Variants in DLGAP2 observed in about 807,000 individuals in gnomAD.
DLGAP2 encodes disks large-associated protein 2.
A neutral mutation model predicts 100.3 loss-of-function variants in DLGAP2; 26 were observed. The observed-to-expected ratio is 0.26, with a 90% CI of 0.19 to 0.36. DLGAP2 has a LOEUF of 0.36. DLGAP2 is among the 10% of genes least tolerant of loss of function. The pLI, the probability that DLGAP2 is intolerant of heterozygous loss-of-function variation, is 1.00. For missense variants in DLGAP2, 1,858 were observed against 1,453.2 expected, an observed-to-expected ratio of 1.28 and a Z score of -4.53; for synonymous variants, 886 against 630.1, an observed-to-expected ratio of 1.41 and a Z score of -6.08.
intron 1 of DLGAP2, among the ~76,000 whole-genome samples, chr8:741,770 G>A (rs984553399): frequency 2.0e-5 from 3 of 152,186 alleles, no homozygotes; most frequent in South Asian, 4.1e-4. Context: ...CCTACTTCCC[G>A]TCAGAGGTGG....
intron 4 of DLGAP2, among the ~76,000 whole-genome samples, chr8:1,532,142 A>G (rs551116910): frequency 6.6e-6 from 1 of 152,288 alleles, no homozygotes; most frequent in African/African-American, 2.4e-5. Flanking sequence ...ATGACTTTGA[A>G]TAGAGTGGGA....
chr8:854,629 G>T (rs180826786), intron 1 of DLGAP2, among the ~76,000 whole-genome samples: 1 of 152,154 alleles, frequency 6.6e-6, no homozygotes, highest in Non-Finnish European at 1.5e-5. Context: ...ATGCATGTAC[G>T]TGTCTTTTTG....
At chr8:839,457 C>T (rs1325439157) in intron 1 of DLGAP2, among the ~76,000 whole-genome samples, 2 of 152,158 alleles carry the variant, frequency 1.3e-5, no homozygotes, top group African/African-American at 2.4e-5. Flanking sequence ...TTATGCTGAG[C>T]GAAATAAGCC....
chr8:1,382,013 C>T (rs991689786), intron 3 of DLGAP2, among the ~76,000 whole-genome samples: 1 of 151,976 alleles, frequency 6.6e-6, no homozygotes, highest in East Asian at 1.9e-4. Flanking sequence ...ACACAGTTGA[C>T]CCTCATAAAA....
chr8:985,721 A>C (rs1763545289), intron 2 of DLGAP2, among the ~76,000 whole-genome samples: 1 of 152,188 alleles, frequency 6.6e-6, no homozygotes, highest in East Asian at 1.9e-4. Flanking sequence ...AAATATTGAG[A>C]ATTTGTCATG....
At chr8:950,614 TTC>T (rs1799454131) in intron 2 of DLGAP2, among the ~76,000 whole-genome samples, 2 of 149,276 alleles carry the variant, frequency 1.3e-5, no homozygotes, top group Non-Finnish European at 3.0e-5. Context: ...ATTTCTTTTT[TTC>T]TTTTTCTTTT....
chr8:1,076,006 A>G (rs567022918), intron 2 of DLGAP2, among the ~76,000 whole-genome samples: 1 of 152,326 alleles, frequency 6.6e-6, no homozygotes, highest in African/African-American at 2.4e-5. Context: ...AGAGAGAGCA[A>G]TTGGAAGATG....
chr8:1,571,459 G>C (rs1802676025), intron 6 of DLGAP2, among the ~76,000 whole-genome samples: 1 of 140,122 alleles, frequency 7.1e-6, no homozygotes, highest in Non-Finnish European at 1.6e-5. Flanking sequence ...GAGGAGAGAG[G>C]GGTGAACTGT....
intron 2 of DLGAP2, among the ~76,000 whole-genome samples, chr8:1,194,681 C>G (rs565639069): frequency 6.6e-6 from 1 of 152,216 alleles, no homozygotes; most frequent in Non-Finnish European, 1.5e-5. Flanking sequence ...CACCTGACCA[C>G]AGGGTCGTCC....
intron 3 of DLGAP2, among the ~76,000 whole-genome samples, chr8:1,272,479 A>G (rs1320022487): frequency 1.3e-5 from 2 of 151,900 alleles, no homozygotes; most frequent in Non-Finnish European, 2.9e-5. Context: ...GAAAACATAT[A>G]TATTACACAT....
At chr8:1,057,446 A>C (rs936265513) in intron 2 of DLGAP2, among the ~76,000 whole-genome samples, 2 of 152,222 alleles carry the variant, frequency 1.3e-5, no homozygotes, top group African/African-American at 2.4e-5. Flanking sequence ...TATGCACACA[A>C]GGGCTAAGTC....
rs114436432 is a variant in DLGAP2, at chr8:1,079,210, T to C, written c.73+171244T>C. ...TCTACATATGTTCCTTGGTGAGGTG[T>C]CTCTTCAGATCTTTGTGTATTTTTT... On this transcript the variant is annotated intron_variant, in intron 2 of 14. Coordinates refer to ENST00000637795, the MANE Select transcript of DLGAP2 (RefSeq NM_001346810.2). 6.5e-3 allele frequency among the ~76,000 whole-genome samples: 992 copies of C among 152,322 alleles called. 14 individuals carry two copies. The highest frequency in any genetic ancestry group is 0.021 in the African/African-American group (893 of 41,570).
chr8:1,684,252 G>T (rs1799054666), intron 12 of DLGAP2, among the ~76,000 whole-genome samples: 1 of 151,826 alleles, frequency 6.6e-6, no homozygotes, highest in South Asian at 2.1e-4. Context: ...TTCTTAAATT[G>T]CCCAGATACC....
At chr8:1,374,889 C>T (rs1175235067) in intron 3 of DLGAP2, among the ~76,000 whole-genome samples, 3 of 152,158 alleles carry the variant, frequency 2.0e-5, no homozygotes, top group African/African-American at 7.2e-5. Context: ...TTCCGTGACT[C>T]GCCTGTTTCA....
intron 3 of DLGAP2, among the ~76,000 whole-genome samples, chr8:1,282,100 A>C (rs1481639634): frequency 1.4e-5 from 2 of 144,586 alleles, no homozygotes; most frequent in African/African-American, 5.4e-5. Flanking sequence ...TGTGACCTGA[A>C]CCCAGCACTC....
chr8:1,550,012 A>G (rs1468527877), intron 5 of DLGAP2, among the ~76,000 whole-genome samples: 1 of 152,182 alleles, frequency 6.6e-6, no homozygotes, highest in African/African-American at 2.4e-5. Context: ...TTTGACCAAC[A>G]TCTCCCAATT....
Position 1,049,146 on chromosome 8 carries a change from G to A in DLGAP2, c.73+141180G>A, listed in dbSNP as rs530797571. Among the ~76,000 whole-genome samples the A allele has an allele frequency of 2.9e-4, 44 of 152,316 alleles. 1 individual carries two copies. The highest frequency in any genetic ancestry group is 1.0e-3 in the African/African-American group (42 of 41,560). Reference sequence around the variant, plus strand: ...CGGGCACTGTCAATAATGTTTAGACGACGACTGGTGTCTCTGAGCCTCGAT... The same window carrying A: ...CGGGCACTGTCAATAATGTTTAGACAACGACTGGTGTCTCTGAGCCTCGAT... On this transcript the variant is annotated intron_variant, in intron 2 of 14. Transcript: ENST00000637795.
chr8:795,421 C>G (rs1796002716), intron 1 of DLGAP2, among the ~76,000 whole-genome samples: 1 of 152,194 alleles, frequency 6.6e-6, no homozygotes, highest in Admixed American at 6.5e-5. Flanking sequence ...TAGACAGCAC[C>G]TCAGCACCAA....
At chr8:1,600,592 A>T (rs541010576) in intron 6 of DLGAP2, among the ~76,000 whole-genome samples, 1 of 151,950 alleles carries the variant, frequency 6.6e-6, no homozygotes, top group Non-Finnish European at 1.5e-5. Flanking sequence ...TTTTTCTCCA[A>T]TCTTGTCTTC....
Sources: gnomAD v4.1 joint callset for allele counts (sites outside exome capture counted in the v4.1 genomes callset) on GRCh38, gnomAD v4.1.1 for gene constraint, MANE v1.5 for transcripts, NCBI Gene and HGNC (gene_info 2026-07-23, HGNC 2026-07-21) for gene names.